The following HS3ST4 variants were observed in gnomAD, a reference collection of about 807,000 sequenced individuals.
The protein encoded by HS3ST4 is heparan sulfate-glucosamine 3-sulfotransferase 4.
Under a neutral mutation model 29.2 loss-of-function variants are expected in HS3ST4, and 17 were observed. The observed-to-expected ratio is 0.58, with a 90% CI of 0.40 to 0.87. HS3ST4 has a LOEUF of 0.87. Ranked by LOEUF, HS3ST4 falls within the 40% of genes least tolerant of loss-of-function variation. HS3ST4 has a pLI of 0.00. For missense variants in HS3ST4, 627 were observed against 634.5 expected (o/e 0.99, Z 0.13); for synonymous variants, 314 against 285.7 (o/e 1.10, Z -1.00).
chr16:25,877,908 A>C (rs1453749032), intron 1 of HS3ST4, among the ~76,000 whole-genome samples: 1 of 152,212 alleles, frequency 6.6e-6, no homozygotes, highest in African/African-American at 2.4e-5. Flanking sequence ...GGTAATGATC[A>C]AAACAGTGTC....
chr16:25,779,537 C>G (rs940091549), intron 1 of HS3ST4, among the ~76,000 whole-genome samples: 1 of 152,342 alleles, frequency 6.6e-6, no homozygotes, highest in Admixed American at 6.5e-5. Context: ...CTGTCCACTT[C>G]ATGCTTGGAG....
At chr16:25,988,148 C>T (rs1596636734) in intron 1 of HS3ST4, among the ~76,000 whole-genome samples, 2 of 152,218 alleles carry the variant, frequency 1.3e-5, no homozygotes, top group African/African-American at 2.4e-5. Flanking sequence ...CATCTGACTT[C>T]GTCTGCACGC....
intron 1 of HS3ST4, among the ~76,000 whole-genome samples, chr16:25,712,096 G>T (rs1966419302): frequency 6.6e-6 from 1 of 152,106 alleles, no homozygotes; most frequent in Non-Finnish European, 1.5e-5. Flanking sequence ...AAAAATGATA[G>T]ATTTTTGTCA....
At chr16:25,857,327 T>C (rs1264431536) in intron 1 of HS3ST4, among the ~76,000 whole-genome samples, 1 of 152,200 alleles carries the variant, frequency 6.6e-6, no homozygotes, top group African/African-American at 2.4e-5. Context: ...TTCAGCTCTC[T>C]GAAGGATCTA....
intron 1 of HS3ST4, among the ~76,000 whole-genome samples, chr16:25,845,379 A>G (rs760668329): frequency 1.3e-4 from 19 of 151,950 alleles, no homozygotes; most frequent in Non-Finnish European, 2.6e-4. Flanking sequence ...CATGGTGATG[A>G]GCACCTGTAA....
At chr16:25,760,335 G>A (rs941357287) in intron 1 of HS3ST4, among the ~76,000 whole-genome samples, 2 of 151,856 alleles carry the variant, frequency 1.3e-5, no homozygotes, top group African/African-American at 4.8e-5. Context: ...TCCTCACCTG[G>A]TCATCCATTG....
chr16:25,803,948 C>G (rs1056896640), intron 1 of HS3ST4, among the ~76,000 whole-genome samples: 7 of 152,078 alleles, frequency 4.6e-5, no homozygotes, highest in Middle Eastern at 3.2e-3. Context: ...CCCCCTCCCC[C>G]TCTCCTTCCC....
At chr16:26,115,466 G>A (rs1022824278) in intron 1 of HS3ST4, among the ~76,000 whole-genome samples, 2 of 152,116 alleles carry the variant, frequency 1.3e-5, no homozygotes, top group African/African-American at 4.8e-5. Flanking sequence ...CAGGGACAGA[G>A]CTTTTCTGAT....
chr16:25,828,794 G>A (rs1187048775), intron 1 of HS3ST4, among the ~76,000 whole-genome samples: 1 of 152,182 alleles, frequency 6.6e-6, no homozygotes, highest in Non-Finnish European at 1.5e-5. Context: ...AGTTTGCTTA[G>A]GGTAATGGCC....
chr16:25,867,251 G>A (rs1967704816), intron 1 of HS3ST4, among the ~76,000 whole-genome samples: 2 of 152,170 alleles, frequency 1.3e-5, no homozygotes, highest in African/African-American at 4.8e-5. Flanking sequence ...TTCCCCAAAG[G>A]CTTAAGGAGA....
intron 1 of HS3ST4, among the ~76,000 whole-genome samples, chr16:25,748,211 G>T (rs1966696659): frequency 6.6e-6 from 1 of 152,106 alleles, no homozygotes; most frequent in Non-Finnish European, 1.5e-5. Context: ...CTCACATATG[G>T]CATAAGTATT....
chr16:26,003,045 C>T (rs1969226833), intron 1 of HS3ST4, among the ~76,000 whole-genome samples: 4 of 151,362 alleles, frequency 2.6e-5, no homozygotes, highest in Admixed American at 2.6e-4. Context: ...TTGGCAGGTT[C>T]CCATCAGTAA....
chr16:25,793,251 A>G (rs922806356), intron 1 of HS3ST4, among the ~76,000 whole-genome samples: 7 of 151,912 alleles, frequency 4.6e-5, no homozygotes, highest in African/African-American at 1.7e-4. Context: ...TTGTTTATTA[A>G]ATTATTGTTA....
Position 25,873,643 on chromosome 16 carries a change from TCCATCCATCC to T in HS3ST4, c.734+180493_734+180502del, listed in dbSNP as rs1967792857. On this transcript the variant is annotated intron_variant, in intron 1 of 1. Coordinates refer to ENST00000331351, the MANE Select transcript of HS3ST4 (RefSeq NM_006040.3). Reference sequence around the variant, plus strand: ...ATCTACCCACCCATCCATTCATCCATCCATCCATCCGTCCGTCCATCCATCCATCCATCCA... The same window carrying T: ...ATCTACCCACCCATCCATTCATCCATGTCCGTCCATCCATCCATCCATCCA... 1.1e-4 allele frequency among the ~76,000 whole-genome samples: 7 copies of T among 61,504 alleles called. No individual in the cohort carries two copies. The South Asian group carries it at 5.5e-3, about 49-fold the overall frequency. The allele number at this position is 61,504 out of a possible 152,430, so 40.3% of individuals were successfully genotyped here. A position where few individuals can be genotyped will look rare whatever the true frequency, so the allele number is the denominator to read the frequency against.
intron 1 of HS3ST4, among the ~76,000 whole-genome samples, chr16:26,067,494 T>C (rs567931119): frequency 6.6e-6 from 1 of 152,140 alleles, no homozygotes; most frequent in East Asian, 1.9e-4. Flanking sequence ...AAGTATAGCA[T>C]TCCCACCACC....
Position 26,062,166 on chromosome 16 carries a change from T to C in HS3ST4, c.735-73446T>C, listed in dbSNP as rs117449322. Among the ~76,000 whole-genome samples, 99 of 152,324 alleles carry C rather than the reference T, an allele frequency of 6.5e-4. No individual in the cohort carries two copies. The East Asian group carries it at 0.019, about 29-fold the overall frequency. ...CCATTATTCAGCCATTAAATTTCTATCTCAGGGCTGCATTCCCCAAGTCCA... is the reference window on the plus strand; with the variant it reads ...CCATTATTCAGCCATTAAATTTCTACCTCAGGGCTGCATTCCCCAAGTCCA... On this transcript the variant is annotated intron_variant, in intron 1 of 1. Transcript: ENST00000331351.
intron 1 of HS3ST4, among the ~76,000 whole-genome samples, chr16:26,021,453 C>A (rs913848426): frequency 4.6e-5 from 7 of 152,018 alleles, no homozygotes; most frequent in African/African-American, 1.7e-4. Flanking sequence ...TACCTGTCCG[C>A]CATTGTAGAT....
At chr16:25,938,683 G>T (rs1474295893) in intron 1 of HS3ST4, among the ~76,000 whole-genome samples, 1 of 151,872 alleles carries the variant, frequency 6.6e-6, no homozygotes, top group Non-Finnish European at 1.5e-5. Flanking sequence ...AGTGCACCTG[G>T]TATTTCCTTG....
intron 1 of HS3ST4, among the ~76,000 whole-genome samples, chr16:25,962,054 G>T (rs373206736): frequency 2.2e-3 from 342 of 152,304 alleles, no homozygotes; most frequent in Non-Finnish European, 4.1e-3. Flanking sequence ...TAGCCAGGTT[G>T]TAGTATGTGG....
Sources: gnomAD v4.1 joint callset for allele counts (sites outside exome capture counted in the v4.1 genomes callset) on GRCh38, gnomAD v4.1.1 for gene constraint, MANE v1.5 for transcripts, NCBI Gene and HGNC (gene_info 2026-07-23, HGNC 2026-07-21) for gene names.